The following SCML4 variants were observed in gnomAD, a reference collection of about 807,000 sequenced individuals.
SCML4 encodes sex comb on midleg-like protein 4.
A neutral mutation model predicts 41.1 loss-of-function variants in SCML4; 34 were observed. The observed-to-expected ratio is 0.83, with a 90% CI of 0.63 to 1.10. SCML4 has a LOEUF of 1.10. SCML4 is among the 50% of genes least tolerant of loss of function. SCML4 has a pLI of 0.00. For missense variants in SCML4, 522 were observed against 534.1 expected, an observed-to-expected ratio of 0.98 and a Z score of 0.22; for synonymous variants, 214 against 220.9, an observed-to-expected ratio of 0.97 and a Z score of 0.28.
intron 1 of SCML4, among the ~76,000 whole-genome samples, chr6:107,802,681 T>G: frequency 2.5e-5 from 1 of 40,644 alleles, no homozygotes; most frequent in African/African-American, 1.7e-4. Flanking sequence ...CTCCTCTCCC[T>G]CTCCCTCCCC....
At chr6:107,774,760 A>C (rs1000685992) in intron 1 of SCML4, among the ~76,000 whole-genome samples, 3 of 152,084 alleles carry the variant, frequency 2.0e-5, no homozygotes, top group African/African-American at 7.2e-5. Flanking sequence ...GGTGGCTCAC[A>C]CCTGTAATCC....
At position 107,746,780 on chromosome 6, in the gene SCML4, C is replaced by A. The variant is rs759448219; in HGVS notation, c.396G>T (p.Gln132His). ...FGPERPSAVL[Q>H]QAVQACIDCA... ...AGTCGATGCAGGCTTGGACGGCCTG[C>A]TGCAGCACCGCCGATGGCCGCTCGG... Residue 132 changes from glutamine (Q) to histidine (H), a missense_variant, in exon 4 of 8, where the codon CAG becomes CAT. Physicochemically the swap from Gln to His is conservative, Grantham distance 24. Coordinates refer to ENST00000369020, the MANE Select transcript of SCML4 (RefSeq NM_198081.5). The A allele has an allele frequency of 6.2e-7, 1 of 1,613,832 alleles. No individual in the cohort carries two copies. Among genetic ancestry groups the A allele is most frequent in the Non-Finnish European group, 8.5e-7 (1 of 1,179,960 alleles).
chr6:107,704,973 C>A lies in SCML4; in HGVS notation c.*227G>T. The A allele has an allele frequency of 3.4e-6, 2 of 591,782 alleles. No homozygotes were observed. Among genetic ancestry groups the A allele is most frequent in the South Asian group, 4.1e-5 (2 of 49,076 alleles). The allele number at this position is 591,782 out of a possible 1,614,324, so 36.7% of individuals were successfully genotyped here. On this transcript the variant is annotated 3_prime_UTR_variant, in exon 8 of 8. Coordinates refer to ENST00000369020, the MANE Select transcript of SCML4 (RefSeq NM_198081.5). Reference sequence around the variant, plus strand: ...TAACAGGGATGTTAAAAATCACAGGCTTTTGTAATTTTTTGGCAAATTATG... The same window carrying A: ...TAACAGGGATGTTAAAAATCACAGGATTTTGTAATTTTTTGGCAAATTATG...
intron 1 of SCML4, among the ~76,000 whole-genome samples, chr6:107,808,418 T>TTTTTTGTTTTTG (rs61157013): frequency 2.6e-5 from 4 of 151,610 alleles, no homozygotes; most frequent in African/African-American, 9.8e-5. Context: ...TGCTGGTTTG[T>TTTTTTGTTTTTG]TTTTTGTTTT....
rs141326797 is a variant in SCML4, at chr6:107,720,647, C to T, written c.973+56G>A. The T allele has an allele frequency of 1.2e-4, 182 of 1,463,908 alleles. No individual in the cohort carries two copies. In the African/African-American group the frequency reaches 2.0e-3, roughly 16 times the overall value. The allele number at this position is 1,463,908 out of a possible 1,614,324, so 90.7% of individuals were successfully genotyped here. On this transcript the variant is annotated intron_variant, in intron 6 of 7. Transcript: ENST00000369020. Reference sequence around the variant, plus strand: ...CCCCTTCCCCAGATGCTGTGCTCCCCGCGCAAGGGCAAGGGATGTTAAGTC... The same window carrying T: ...CCCCTTCCCCAGATGCTGTGCTCCCTGCGCAAGGGCAAGGGATGTTAAGTC...
At chr6:107,761,284 G>A (rs561134638) in intron 2 of SCML4, among the ~76,000 whole-genome samples, 10 of 152,010 alleles carry the variant, frequency 6.6e-5, no homozygotes, top group African/African-American at 2.2e-4. Context: ...AAATCCACAC[G>A]TCAACACAAT....
At chr6:107,769,570 G>T (rs1780350014) in intron 2 of SCML4, among the ~76,000 whole-genome samples, 2 of 152,174 alleles carry the variant, frequency 1.3e-5, no homozygotes, top group South Asian at 4.1e-4. Context: ...GGCGTCCTCA[G>T]AATCTCCTGG....
intron 1 of SCML4, among the ~76,000 whole-genome samples, chr6:107,795,890 C>T (rs1782675542): frequency 6.6e-6 from 1 of 152,182 alleles, no homozygotes; most frequent in Non-Finnish European, 1.5e-5. Context: ...ACTATTCTAT[C>T]ACCATAGATT....
intron 1 of SCML4, among the ~76,000 whole-genome samples, chr6:107,779,173 C>A (rs1781288571): frequency 7.2e-6 from 1 of 138,638 alleles, no homozygotes; most frequent in South Asian, 2.5e-4. Context: ...GAGGGAGACT[C>A]CATCTCAAAA....
At chr6:107,746,391 T>C (rs963617552) in intron 4 of SCML4, 5 of 379,810 alleles carry the variant, frequency 1.3e-5, no homozygotes, top group Non-Finnish European at 2.3e-5. Flanking sequence ...GAAAGGATTC[T>C]GGATATATTT....
intron 1 of SCML4, among the ~76,000 whole-genome samples, chr6:107,791,874 C>T (rs1782358831): frequency 1.3e-5 from 2 of 152,136 alleles, no homozygotes; most frequent in South Asian, 2.1e-4. Context: ...GCAGGAGGAT[C>T]TTTTGAGCCC....
rs566605310 is a variant in SCML4, at chr6:107,793,561, C to T, written c.-59-21175G>A. On this transcript the variant is annotated intron_variant, in intron 1 of 7. Transcript: ENST00000369020. ...TTCTTTCTGCTTTCATTCTTTCTGT[C>T]GCTTCTTTATAAGGTGAGAGTTGCT... 5.9e-5 allele frequency among the ~76,000 whole-genome samples: 9 copies of T among 152,296 alleles called. No individual in the cohort carries two copies. The South Asian group carries it at 1.0e-3, about 18-fold the overall frequency.
the SCML4 span, among the ~76,000 whole-genome samples, chr6:107,831,827 G>A: frequency 1.3e-5 from 2 of 152,158 alleles, no homozygotes; most frequent in East Asian, 3.9e-4. Flanking sequence ...GCCGAAGTGG[G>A]AGGATCACAA....
At chr6:107,804,467 G>A (rs983049374) in intron 1 of SCML4, among the ~76,000 whole-genome samples, 1 of 152,136 alleles carries the variant, frequency 6.6e-6, no homozygotes, top group Non-Finnish European at 1.5e-5. Context: ...GGGGCCAGGA[G>A]AGAATGTGGG....
At chr6:107,705,508 C>T (rs1294245629) in intron 7 of SCML4, among the ~76,000 whole-genome samples, 183 bp from the exon 8 acceptor site, 1 of 152,170 alleles carries the variant, frequency 6.6e-6, no homozygotes, top group East Asian at 1.9e-4. Flanking sequence ...ACTGTGTTCT[C>T]CTCTCCCCAT....
At chr6:107,828,210 CTAAT>C (rs1350755221), upstream of SCML4, among the ~76,000 whole-genome samples, 1 of 152,232 alleles carries the variant, frequency 6.6e-6, no homozygotes, top group East Asian at 1.9e-4. Flanking sequence ...CAAAGATACT[CTAAT>C]TAATCATTCC....
chr6:107,784,054 C>T (rs1051273232), intron 1 of SCML4, among the ~76,000 whole-genome samples: 29 of 152,064 alleles, frequency 1.9e-4, no homozygotes, highest in African/African-American at 6.3e-4. Flanking sequence ...CATCACTGTG[C>T]GACCATTTCC....
upstream of SCML4, among the ~76,000 whole-genome samples, chr6:107,825,654 G>A (rs1032393578): frequency 6.6e-6 from 1 of 152,146 alleles, no homozygotes; most frequent in Non-Finnish European, 1.5e-5. Flanking sequence ...AAAATAAGAT[G>A]GATGGGCCAG....
At chr6:107,766,696 CT>C (rs977072336) in intron 2 of SCML4, among the ~76,000 whole-genome samples, 8 of 152,224 alleles carry the variant, frequency 5.3e-5, no homozygotes, top group Non-Finnish European at 7.3e-5. Flanking sequence ...AGCCTCACCC[CT>C]GACCCCTGTT....
Sources: gnomAD v4.1 joint callset for allele counts (sites outside exome capture counted in the v4.1 genomes callset) on GRCh38, gnomAD v4.1.1 for gene constraint, MANE v1.5 for transcripts, NCBI Gene and HGNC (gene_info 2026-07-23, HGNC 2026-07-21) for gene names.